Variants in GRM8 observed in about 807,000 individuals in gnomAD.
The protein encoded by GRM8 is glutamate metabotropic receptor 8.
In GRM8, 47 loss-of-function variants were observed where a neutral mutation model predicts 87.2. That is an observed-to-expected ratio of 0.54 (90% CI 0.43 to 0.69). The LOEUF is 0.69. Ranked by LOEUF, GRM8 falls within the 30% of genes least tolerant of loss-of-function variation. GRM8 has a pLI of 0.00. For synonymous variants in GRM8, 396 were observed against 404.5 expected (o/e 0.98, Z 0.25); for missense variants, 1,019 against 1,139.2 (o/e 0.89, Z 1.52).
At chr7:126,496,970 ATTT>A (rs71177562) in intron 9 of GRM8, among the ~76,000 whole-genome samples, 15 of 143,026 alleles carry the variant, frequency 1.0e-4, no homozygotes, top group East Asian at 4.1e-4. Flanking sequence ...TGAGTTTTGG[ATTT>A]TTTTTTTTTT....
At chr7:126,602,411 T>C (rs886776953) in intron 8 of GRM8, among the ~76,000 whole-genome samples, 8 of 112,332 alleles carry the variant, frequency 7.1e-5, no homozygotes, top group Admixed American at 1.9e-4. Flanking sequence ...GACTTGGCGA[T>C]GCGGGCTCTT....
chr7:127,043,164 G>T (rs1000069715), intron 3 of GRM8, among the ~76,000 whole-genome samples: 9 of 152,326 alleles, frequency 5.9e-5, no homozygotes, highest in Admixed American at 5.2e-4. Context: ...TACACTGTTG[G>T]TGGGACTGTA....
At chr7:127,068,758 C>A (rs141094830) in intron 3 of GRM8, among the ~76,000 whole-genome samples, 1 of 152,274 alleles carries the variant, frequency 6.6e-6, no homozygotes, top group Non-Finnish European at 1.5e-5. Flanking sequence ...GATTACACCA[C>A]ACAGTGAGGA....
At chr7:126,612,247 T>C (rs1313274230) in intron 7 of GRM8, among the ~76,000 whole-genome samples, 3 of 152,218 alleles carry the variant, frequency 2.0e-5, no homozygotes, top group Admixed American at 6.5e-5. Flanking sequence ...TATGAGAACA[T>C]ATAAACTCAG....
At chr7:126,462,273 A>C (rs1340614107) in intron 9 of GRM8, among the ~76,000 whole-genome samples, 1 of 151,644 alleles carries the variant, frequency 6.6e-6, no homozygotes, top group Non-Finnish European at 1.5e-5. Context: ...ATTATCAGAC[A>C]AGGTATGTGC....
intron 9 of GRM8, among the ~76,000 whole-genome samples, chr7:126,515,903 T>A (rs539746034): frequency 6.6e-6 from 1 of 152,248 alleles, no homozygotes; most frequent in Admixed American, 6.6e-5. Flanking sequence ...GTGATTAGAA[T>A]GTTCACATCT....
chr7:126,612,590 A>G (rs1799028595), intron 7 of GRM8, among the ~76,000 whole-genome samples: 1 of 152,288 alleles, frequency 6.6e-6, no homozygotes, highest in Admixed American at 6.5e-5. Flanking sequence ...TCTGTACCTG[A>G]CCAAACATTT....
intron 7 of GRM8, among the ~76,000 whole-genome samples, chr7:126,652,049 G>A (rs1008145386): frequency 6.6e-6 from 1 of 152,236 alleles, no homozygotes; most frequent in Non-Finnish European, 1.5e-5. Flanking sequence ...TTGCAGAAAC[G>A]AGGACTGTAA....
chr7:126,589,539 C>G (rs1796479021), intron 8 of GRM8, among the ~76,000 whole-genome samples: 1 of 152,178 alleles, frequency 6.6e-6, no homozygotes, highest in South Asian at 2.1e-4. Context: ...TCTCTACCCA[C>G]CCTGGTAGCT....
chr7:127,002,315 A>G (rs1813810865), intron 3 of GRM8, among the ~76,000 whole-genome samples: 1 of 151,706 alleles, frequency 6.6e-6, no homozygotes, highest in South Asian at 2.1e-4. Context: ...GCTTACCCAC[A>G]AGTAAGCTGG....
intron 2 of GRM8, among the ~76,000 whole-genome samples, chr7:127,221,064 C>A (rs1486962147): frequency 1.3e-5 from 2 of 152,186 alleles, no homozygotes; most frequent in Non-Finnish European, 2.9e-5. Context: ...CTTCATACTT[C>A]CCTGTTTTGC....
chr7:126,650,251 CA>C (rs1176255180), intron 7 of GRM8, among the ~76,000 whole-genome samples: 5 of 152,258 alleles, frequency 3.3e-5, no homozygotes, highest in African/African-American at 1.2e-4. Context: ...GGAAATGGCT[CA>C]AATGCCCATG....
At chr7:126,784,766 G>T (rs977574834) in intron 6 of GRM8, among the ~76,000 whole-genome samples, 6 of 151,280 alleles carry the variant, frequency 4.0e-5, no homozygotes, top group Non-Finnish European at 8.8e-5. Flanking sequence ...TGAAGCTCAG[G>T]TTAAATAACC....
chr7:126,655,640 T>A (rs1439133968), intron 7 of GRM8, among the ~76,000 whole-genome samples: 1 of 152,234 alleles, frequency 6.6e-6, no homozygotes, highest in Non-Finnish European at 1.5e-5. Flanking sequence ...ACACATGAGA[T>A]GACATTTTCT....
chr7:126,793,371 T>C (rs1448518290), intron 6 of GRM8, among the ~76,000 whole-genome samples: 2 of 152,156 alleles, frequency 1.3e-5, no homozygotes, highest in Non-Finnish European at 2.9e-5. Flanking sequence ...AAGGAAAAAT[T>C]CCAGCACTTC....
At chr7:126,742,547 G>A (rs1490144701) in intron 7 of GRM8, among the ~76,000 whole-genome samples, 1 of 151,836 alleles carries the variant, frequency 6.6e-6, no homozygotes, top group African/African-American at 2.4e-5. Context: ...CTCTCCTACG[G>A]AGCATGGTGG....
chr7:126,840,062 T>C (rs1796138351), intron 6 of GRM8, among the ~76,000 whole-genome samples: 1 of 152,214 alleles, frequency 6.6e-6, no homozygotes, highest in Admixed American at 6.5e-5. Context: ...CCATATATAA[T>C]AAATCAAACT....
intron 9 of GRM8, among the ~76,000 whole-genome samples, chr7:126,493,173 A>C (rs1334262232): frequency 1.3e-5 from 2 of 151,982 alleles, no homozygotes; most frequent in Admixed American, 6.6e-5. Context: ...AATAATCTTA[A>C]TTGATCTTAA....
At chr7:126,971,649 G>C (rs555368542) in intron 3 of GRM8, among the ~76,000 whole-genome samples, 1 of 152,264 alleles carries the variant, frequency 6.6e-6, no homozygotes, top group South Asian at 2.1e-4. Flanking sequence ...GGAGGGCTAT[G>C]AGTCCATGAG....
Sources: allele counts gnomAD v4.1 joint callset (sites outside exome capture counted in the v4.1 genomes callset), GRCh38; gene constraint gnomAD v4.1.1; transcripts MANE v1.5; gene names NCBI Gene and HGNC (gene_info 2026-07-23, HGNC 2026-07-21).